The following NTRK2 variants were observed in gnomAD, a reference collection of about 807,000 sequenced individuals.
The protein encoded by NTRK2 is neurotrophic receptor tyrosine kinase 2.
NTRK2 carries 13 observed loss-of-function variants against 94.5 expected under a neutral mutation model. The observed-to-expected ratio is 0.14, with a 90% CI of 0.09 to 0.22. The LOEUF (loss-of-function observed/expected upper bound fraction) is 0.22. Among genes scored for constraint, NTRK2 ranks in the 10% least tolerant of loss-of-function variants. The pLI, the probability that NTRK2 is intolerant of heterozygous loss-of-function variation, is 1.00. For synonymous variants in NTRK2, 372 were observed against 407.4 expected (o/e 0.91, Z 1.05); for missense variants, 639 against 1,071.2 (o/e 0.60, Z 5.63).
intron 14 of NTRK2, among the ~76,000 whole-genome samples, chr9:84,888,297 T>A (rs894805470): frequency 1.3e-4 from 19 of 151,830 alleles, no homozygotes; most frequent in African/African-American, 4.6e-4. Context: ...TTCTTATAGA[T>A]GAGGAAAGGG....
chr9:84,701,914 A>C (rs983100539), intron 2 of NTRK2, among the ~76,000 whole-genome samples: 1 of 152,198 alleles, frequency 6.6e-6, no homozygotes, highest in Non-Finnish European at 1.5e-5. Context: ...TGTTGGGTGA[A>C]AGAGTGATGA....
chr9:84,799,135 T>G (rs569233090), intron 12 of NTRK2, among the ~76,000 whole-genome samples: 1 of 152,034 alleles, frequency 6.6e-6, no homozygotes, highest in South Asian at 2.1e-4. Context: ...TTCTCCATCT[T>G]CACATCAATC....
At chr9:84,684,550 A>G (rs1296256714) in intron 2 of NTRK2, among the ~76,000 whole-genome samples, 1 of 152,074 alleles carries the variant, frequency 6.6e-6, no homozygotes, top group Non-Finnish European at 1.5e-5. Context: ...TGTGATTTTT[A>G]AGTAAATATT....
intron 12 of NTRK2, among the ~76,000 whole-genome samples, chr9:84,800,916 C>T (rs2070354162): frequency 1.3e-5 from 2 of 152,162 alleles, no homozygotes; most frequent in Non-Finnish European, 2.9e-5. Context: ...TTGGGCCACC[C>T]TTTTCCATGG....
At chr9:84,698,298 C>T (rs557254251) in intron 2 of NTRK2, among the ~76,000 whole-genome samples, 1 of 151,946 alleles carries the variant, frequency 6.6e-6, no homozygotes, top group Admixed American at 6.6e-5. Context: ...GTTACATGTA[C>T]GTATCAGTAT....
chr9:84,836,022 T>A (rs988779803), intron 12 of NTRK2, among the ~76,000 whole-genome samples: 6 of 151,898 alleles, frequency 4.0e-5, no homozygotes, highest in African/African-American at 1.5e-4. Context: ...TCCCATCACA[T>A]TGTGGGGCCG....
intron 14 of NTRK2, among the ~76,000 whole-genome samples, chr9:84,882,725 C>T (rs573757064): frequency 3.8e-4 from 56 of 148,662 alleles, no homozygotes; most frequent in African/African-American, 7.7e-4. Context: ...TGTGTGCGCG[C>T]GCGCGCGCAT....
At chr9:84,991,365 G>A (rs990705220) in intron 17 of NTRK2, among the ~76,000 whole-genome samples, 3 of 152,158 alleles carry the variant, frequency 2.0e-5, no homozygotes, top group Non-Finnish European at 4.4e-5. Flanking sequence ...TGGATGTGGC[G>A]ATATGAACAT....
chr9:84,880,871 G>GA (rs1157416512), intron 14 of NTRK2, among the ~76,000 whole-genome samples: 19 of 152,190 alleles, frequency 1.2e-4, no homozygotes, highest in Admixed American at 8.5e-4. Flanking sequence ...TGATAACTTT[G>GA]AAAAAACCAT....
chr9:84,669,779 G>C lies in NTRK2; in HGVS notation c.-482G>C, dbSNP rs978199433. 3 of 153,030 alleles carry C rather than the reference G, an allele frequency of 2.0e-5. No homozygotes were observed. Among genetic ancestry groups the C allele is most frequent in the Admixed American group, 6.5e-5 (1 of 15,288 alleles). 9.5% of individuals were successfully genotyped at this position (153,030 alleles called of 1,614,324 possible). A position where few individuals can be genotyped will look rare whatever the true frequency, so the allele number is the denominator to read the frequency against. On this transcript the variant is annotated 5_prime_UTR_variant, in exon 1 of 19. Transcript: ENST00000277120. This position sits in a 1 kb window ranked among gnomAD's most constrained non-coding sequence, Gnocchi z 4.1. ...GGCGGCGGCTCCCGGAATTGGGTTGGAGCAGGAGCCTCGCTGGCTGCTTCG... is the reference window on the plus strand; with the variant it reads ...GGCGGCGGCTCCCGGAATTGGGTTGCAGCAGGAGCCTCGCTGGCTGCTTCG...
chr9:84,877,311 G>A (rs1041974679), intron 14 of NTRK2: 2 of 1,065,940 alleles, frequency 1.9e-6, no homozygotes, highest in African/African-American at 3.3e-5. Flanking sequence ...GTCTCAGTAT[G>A]AGGAAGAACT....
chr9:84,920,286 T>G (rs576674024), intron 14 of NTRK2, among the ~76,000 whole-genome samples: 1 of 152,356 alleles, frequency 6.6e-6, no homozygotes, highest in South Asian at 2.1e-4. Flanking sequence ...AGAAGAGACC[T>G]GAGTTCAATG....
At chr9:84,980,991 C>T (rs1367617616) in intron 17 of NTRK2, among the ~76,000 whole-genome samples, 1 of 152,216 alleles carries the variant, frequency 6.6e-6, no homozygotes, top group Non-Finnish European at 1.5e-5. Flanking sequence ...CTGGAATAAA[C>T]AGATGGCAAA....
intron 14 of NTRK2, among the ~76,000 whole-genome samples, chr9:84,926,111 T>TTCCC (rs747121576): frequency 0.015 from 645 of 43,984 alleles, 23 homozygotes; most frequent in Admixed American, 0.036. Flanking sequence ...CTTCCTTTCC[T>TTCCC]TCCTTCCTTC....
intron 15 of NTRK2, among the ~76,000 whole-genome samples, chr9:84,947,574 C>T (rs918072421): frequency 3.3e-5 from 5 of 152,158 alleles, no homozygotes; most frequent in Non-Finnish European, 7.4e-5. Context: ...GCATGGGTTT[C>T]GAGAGGAGTG....
intron 14 of NTRK2, among the ~76,000 whole-genome samples, chr9:84,919,293 AG>A (rs1279175903): frequency 2.6e-5 from 4 of 152,206 alleles, no homozygotes; most frequent in African/African-American, 4.8e-5. Flanking sequence ...TCACTCTAGT[AG>A]GCAAATGCTT....
intron 17 of NTRK2, among the ~76,000 whole-genome samples, chr9:84,973,710 G>C (rs1826458115): frequency 6.6e-6 from 1 of 152,042 alleles, no homozygotes; most frequent in African/African-American, 2.4e-5. Flanking sequence ...TTTGTGTCTG[G>C]GCCTCAGTTG....
intron 15 of NTRK2, among the ~76,000 whole-genome samples, chr9:84,938,698 G>T (rs1431030370): frequency 1.3e-5 from 2 of 152,218 alleles, no homozygotes; most frequent in African/African-American, 4.8e-5. Context: ...TGAATGAAGG[G>T]ATGGATGGGT....
chr9:84,691,806 T>C (rs1465731033), intron 2 of NTRK2, among the ~76,000 whole-genome samples: 1 of 152,088 alleles, frequency 6.6e-6, no homozygotes, highest in Non-Finnish European at 1.5e-5. Flanking sequence ...GGAGCAGGTG[T>C]GACCAGACGG....
Sources: allele counts gnomAD v4.1 joint callset (sites outside exome capture counted in the v4.1 genomes callset), GRCh38; gene constraint gnomAD v4.1.1; non-coding constraint Gnocchi (gnomAD v3.1); transcripts MANE v1.5; gene names NCBI Gene and HGNC (gene_info 2026-07-23, HGNC 2026-07-21).